FREM1: variants seen among roughly 807,000 people sequenced by gnomAD.
The protein encoded by FREM1 is FRAS1 related extracellular matrix 1.
FREM1 carries 220 observed loss-of-function variants against 210.1 expected under a neutral mutation model. The observed-to-expected ratio is 1.05, with a 90% confidence interval of 0.94 to 1.17. The LOEUF is 1.17. FREM1 is among the 50% of genes most tolerant of loss of function. The probability of loss-of-function intolerance (pLI) is 0.00; values close to 1 mark genes in which losing one functional copy is unlikely to be tolerated. For synonymous variants in FREM1, 1,189 were observed against 980.2 expected, an observed-to-expected ratio of 1.21 and a Z score of -3.98; for missense variants, 3,454 against 2,675.5, an observed-to-expected ratio of 1.29 and a Z score of -6.42.
In FREM1 at chr9:14,737,456, C is replaced by A; in HGVS notation, c.6480G>T (p.Trp2160Cys). ...SCVLVQRQGK[W>C]QTKDCRRAKP... ...TGGCTCTCCTACAGTCTTTTGTTTG[C>A]CATTTCCCTTGTCTTTGAACCAAAA... Residue 2160 changes from tryptophan (W) to cysteine (C), a missense_variant, in exon 37 of 37, where the codon TGG (tryptophan) becomes TGT (cysteine). Transcript: ENST00000380880. The A allele has an allele frequency of 6.2e-7, 1 of 1,613,804 alleles. No individual in the cohort carries two copies. The highest frequency in any genetic ancestry group is 8.5e-7 in the Non-Finnish European group (1 of 1,179,824).
chr9:14,744,402 G>C (rs1375060125), intron 35 of FREM1, among the ~76,000 whole-genome samples: 1 of 151,994 alleles, frequency 6.6e-6, no homozygotes, highest in Non-Finnish European at 1.5e-5. Context: ...CTATTTTCTA[G>C]TCATTCCACA....
intron 10 of FREM1, among the ~76,000 whole-genome samples, chr9:14,835,376 AAG>A (rs1824365198): frequency 6.6e-6 from 1 of 152,214 alleles, no homozygotes; most frequent in African/African-American, 2.4e-5. Flanking sequence ...TCAGTGCAAT[AAG>A]AATCAATTTT....
At chr9:14,825,418 G>A (rs904366848) in intron 10 of FREM1, among the ~76,000 whole-genome samples, 2 of 149,406 alleles carry the variant, frequency 1.3e-5, no homozygotes, top group East Asian at 2.0e-4. Context: ...AATCCTGGAG[G>A]AGGAGGTTGC....
intron 27 of FREM1, among the ~76,000 whole-genome samples, chr9:14,767,864 C>T (rs1484956278): frequency 6.6e-6 from 1 of 152,072 alleles, no homozygotes; most frequent in Non-Finnish European, 1.5e-5. Flanking sequence ...TAGGCATATG[C>T]CACAGCATTT....
intron 29 of FREM1, 93 bp downstream of exon 29, chr9:14,756,281 G>A (rs1844339452): frequency 1.1e-6 from 1 of 924,570 alleles, no homozygotes; most frequent in South Asian, 1.6e-5. Flanking sequence ...CTAAAGTTGT[G>A]TAACATTCTA....
At position 14,857,630 on chromosome 9, in the gene FREM1, C is replaced by A; in HGVS notation, c.751G>T (p.Asp251Tyr). ...TAATCAATGTTGGGTGAAGGGGGATCCAGATGCTGATAACGAAGGCCCATC... is the reference window on the plus strand; with the variant it reads ...TAATCAATGTTGGGTGAAGGGGGATACAGATGCTGATAACGAAGGCCCATC... ...LLMGLRYQHLDPPSPNIDYIS... is the reference protein window; with the variant it reads ...LLMGLRYQHLYPPSPNIDYIS... The change falls in exon 5 of 37, where the codon GAT becomes TAT. Residue 251 changes from aspartate to tyrosine, a missense_variant. Asp to Tyr is a radical substitution (Grantham distance 160). Coordinates refer to ENST00000380880, the MANE Select transcript of FREM1 (RefSeq NM_001379081.2). 2.5e-6 allele frequency: 4 copies of A among 1,613,868 alleles called. No individual in the cohort carries two copies. The highest frequency in any genetic ancestry group is 3.4e-6 in the Non-Finnish European group (4 of 1,179,842).
At position 14,871,174 on chromosome 9, in the gene FREM1, A is replaced by C. The variant is rs538935421; in HGVS notation, c.-267-1930T>G. 7.8e-3 allele frequency among the ~76,000 whole-genome samples: 1,186 copies of C among 152,276 alleles called. 21 individuals carry two copies. Among genetic ancestry groups the C allele is most frequent in the African/African-American group, 0.027 (1,117 of 41,542 alleles). On this transcript the variant is annotated intron_variant, in intron 1 of 36. Transcript: ENST00000380880. ...TAGTTCTTTGGGTATATACCCAGTA[A>C]TGGGATGGCTGGGTCAAATGGTATT...
chr9:14,855,877 A>AT (rs1474897354), intron 5 of FREM1, among the ~76,000 whole-genome samples: 2 of 151,958 alleles, frequency 1.3e-5, no homozygotes, highest in Admixed American at 1.3e-4. Context: ...AATGGCTCCA[A>AT]TTTTTTTTCA....
chr9:14,774,727 T>C (rs910527901), intron 25 of FREM1, among the ~76,000 whole-genome samples: 2 of 152,148 alleles, frequency 1.3e-5, no homozygotes, highest in Admixed American at 6.5e-5. Flanking sequence ...TGATGTGTTT[T>C]GACTTAAAAA....
intron 1 of FREM1, among the ~76,000 whole-genome samples, chr9:14,889,016 T>A (rs150066945): frequency 0.02 from 3,078 of 152,322 alleles, 45 homozygotes; most frequent in Non-Finnish European, 0.031. Context: ...TACTAAACAT[T>A]CCTTGCAATT....
intron 11 of FREM1, among the ~76,000 whole-genome samples, chr9:14,824,328 T>A (rs1821937793): frequency 6.6e-6 from 1 of 152,212 alleles, no homozygotes; most frequent in African/African-American, 2.4e-5. Context: ...TACAGAATCT[T>A]TTGCTTGGCA....
chr9:14,737,286 A>G lies in FREM1; in HGVS notation c.*110T>C. 1.5e-6 allele frequency: 1 copy of G among 656,876 alleles called. No individual in the cohort carries two copies. Among genetic ancestry groups the G allele is most frequent in the East Asian group, 2.8e-5 (1 of 35,122 alleles). 40.7% of individuals were successfully genotyped at this position (656,876 alleles called of 1,614,324 possible). A position where few individuals can be genotyped will look rare whatever the true frequency, so the allele number is the denominator to read the frequency against. On this transcript the variant is annotated 3_prime_UTR_variant, in exon 37 of 37. Coordinates refer to ENST00000380880, the MANE Select transcript of FREM1 (RefSeq NM_001379081.2). ...CCATTTTCACTAGACAGAATCACAA[A>G]GGTATACCCACTCAATCATAACAAT...
chr9:14,799,015 A>G lies in FREM1; in HGVS notation c.3695-1373T>C, dbSNP rs143602339. ...AAGAAGAGGCCAGTTATGGTGACCT[A>G]CTCCTGTAATACCAGCACTTTGGAA... On this transcript the variant is annotated intron_variant, in intron 20 of 36. Transcript: ENST00000380880. 5.1e-3 allele frequency among the ~76,000 whole-genome samples: 768 copies of G among 151,762 alleles called. 10 individuals are homozygous for G. The highest frequency in any genetic ancestry group is 0.017 in the African/African-American group (719 of 41,416).
chr9:14,797,153 T>C (rs1186304087), intron 21 of FREM1, among the ~76,000 whole-genome samples: 1 of 152,254 alleles, frequency 6.6e-6, no homozygotes, highest in East Asian at 1.9e-4. Flanking sequence ...AATCTATATA[T>C]TAATTGCACT....
At chr9:14,855,938 C>G (rs970955204) in intron 5 of FREM1, among the ~76,000 whole-genome samples, 2 of 151,298 alleles carry the variant, frequency 1.3e-5, no homozygotes, top group Non-Finnish European at 3.0e-5. Flanking sequence ...TTAAAACAAA[C>G]AGAAAACATC....
At chr9:14,757,961 C>T (rs1563848305) in intron 28 of FREM1, among the ~76,000 whole-genome samples, 6 of 152,196 alleles carry the variant, frequency 3.9e-5, no homozygotes, top group Admixed American at 2.6e-4. Flanking sequence ...GTTGCATTTC[C>T]CTGCATGGTT....
intron 10 of FREM1, among the ~76,000 whole-genome samples, chr9:14,835,030 T>C (rs1824290404): frequency 6.6e-6 from 1 of 152,232 alleles, no homozygotes; most frequent in South Asian, 2.1e-4. Context: ...AGGTTTGTAA[T>C]AGCTTTGAAG....
intron 30 of FREM1, among the ~76,000 whole-genome samples, chr9:14,749,483 C>T (rs552526084): frequency 2.0e-5 from 3 of 152,016 alleles, no homozygotes; most frequent in South Asian, 2.1e-4. Flanking sequence ...GAGTATGGTA[C>T]GAACACTCGT....
chr9:14,780,433 GAAAAA>G (rs58017285), intron 24 of FREM1, among the ~76,000 whole-genome samples: 1 of 81,536 alleles, frequency 1.2e-5, no homozygotes, highest in Admixed American at 1.4e-4. Context: ...CAGCTCCTCA[GAAAAA>G]AAAAAAAAAA....
Sources: gnomAD v4.1 joint callset for allele counts (sites outside exome capture counted in the v4.1 genomes callset) on GRCh38, gnomAD v4.1.1 for gene constraint, MANE v1.5 for transcripts, NCBI Gene and HGNC (gene_info 2026-07-23, HGNC 2026-07-21) for gene names.